Variants in IGF2R observed in about 807,000 individuals in gnomAD.
IGF2R encodes the protein insulin like growth factor 2 receptor.
A neutral mutation model predicts 270.6 loss-of-function variants in IGF2R; 91 were observed. The ratio of observed to expected loss-of-function variants is 0.34; its 90% CI spans 0.28 to 0.40. The LOEUF (loss-of-function observed/expected upper bound fraction) is 0.40, where lower values mean the gene tolerates loss of function less well. Ranked by LOEUF, IGF2R falls within the 10% of genes least tolerant of loss-of-function variation. The probability of loss-of-function intolerance (pLI) is 1.00; values close to 1 mark genes in which losing one functional copy is unlikely to be tolerated. For synonymous variants in IGF2R, 1,316 were observed against 1,258.9 expected, an observed-to-expected ratio of 1.05 and a Z score of -0.96; for missense variants, 2,805 against 3,188.3, an observed-to-expected ratio of 0.88 and a Z score of 2.90.
At chr6:160,054,704 G>T (rs1360525654) in intron 19 of IGF2R, among the ~76,000 whole-genome samples, 1 of 152,152 alleles carries the variant, frequency 6.6e-6, no homozygotes, top group Non-Finnish European at 1.5e-5. Flanking sequence ...TGTTCAGTCA[G>T]TTATGGGGCT....
intron 5 of IGF2R, 122 bp from the exon 6 acceptor site, chr6:160,027,063 A>G (rs1016459010): frequency 1.3e-5 from 14 of 1,100,730 alleles, no homozygotes; most frequent in Admixed American, 6.3e-5. Flanking sequence ...AGGTTTCAGA[A>G]TAGTTACTTA....
chr6:160,070,350 A>G (rs1488362550), intron 31 of IGF2R, among the ~76,000 whole-genome samples: 5 of 151,888 alleles, frequency 3.3e-5, no homozygotes, highest in Non-Finnish European at 7.4e-5. Flanking sequence ...GTTTGACTAC[A>G]TGCCCTTTTG....
intron 1 of IGF2R, among the ~76,000 whole-genome samples, chr6:159,979,876 G>A (rs1783752424): frequency 6.6e-6 from 1 of 152,196 alleles, no homozygotes; most frequent in African/African-American, 2.4e-5. Flanking sequence ...GAGCCCTTGA[G>A]GACTTCAGTA....
At chr6:160,094,261 C>T (rs1779297089) in intron 44 of IGF2R, 1 of 309,690 alleles carries the variant, frequency 3.2e-6, no homozygotes, top group Non-Finnish European at 6.3e-6. Flanking sequence ...TTCCTCTGTT[C>T]TGCTGCTGAA....
At position 160,090,292 on chromosome 6, in the gene IGF2R, A is replaced by G; in HGVS notation, c.6655+189A>G. 7.4e-6 allele frequency: 3 copies of G among 407,696 alleles called. No homozygotes were observed. In the South Asian group the frequency reaches 2.0e-4, roughly 28 times the overall value. The allele number at this position is 407,696 out of a possible 1,614,324, so 25.3% of individuals were successfully genotyped here. A position where few individuals can be genotyped will look rare whatever the true frequency, so the allele number is the denominator to read the frequency against. ...GATACGTGTCAGAACTAAGCATTTC[A>G]CTGTAGGCAAATTGTGTCTTAGTTA... On this transcript the variant is annotated intron_variant, in intron 44 of 47. Coordinates refer to ENST00000356956, the MANE Select transcript of IGF2R (RefSeq NM_000876.4).
intron 47 of IGF2R, 45 bp from the exon 48 acceptor site, chr6:160,104,629 G>A: frequency 6.4e-7 from 1 of 1,569,686 alleles, no homozygotes; most frequent in Non-Finnish European, 8.6e-7. Flanking sequence ...GCAGAATGGG[G>A]TCTCTTAGGG....
intron 4 of IGF2R, among the ~76,000 whole-genome samples, chr6:160,021,131 G>A (rs574073587): frequency 6.6e-6 from 1 of 152,206 alleles, no homozygotes; most frequent in South Asian, 2.1e-4. Flanking sequence ...TAAGAAGTGA[G>A]CAAAGGACGT....
At position 160,056,875 on chromosome 6, in the gene IGF2R, C is replaced by T. The variant is rs138882202; in HGVS notation, c.2796+350C>T. Reference sequence around the variant, plus strand: ...GTCGATACGTCACTCCACACCTAAACCATCTCAGTGCCTGTCCCCTAGAGG... The same window carrying T: ...GTCGATACGTCACTCCACACCTAAATCATCTCAGTGCCTGTCCCCTAGAGG... On this transcript the variant is annotated intron_variant, in intron 20 of 47. Coordinates refer to ENST00000356956, the MANE Select transcript of IGF2R (RefSeq NM_000876.4). Among the ~76,000 whole-genome samples, 526 of 152,332 alleles carry T rather than the reference C, an allele frequency of 3.5e-3. 3 individuals carry two copies. The highest frequency in any genetic ancestry group is 0.012 in the African/African-American group (516 of 41,580).
intron 2 of IGF2R, among the ~76,000 whole-genome samples, chr6:160,003,082 C>T (rs3798193): frequency 0.19 from 29,211 of 152,016 alleles, 3,458 homozygotes; most frequent in East Asian, 0.57. Flanking sequence ...ACAGTGAGTC[C>T]GACTGTAGTT....
At chr6:159,975,623 G>A (rs1367978084) in intron 1 of IGF2R, among the ~76,000 whole-genome samples, 3 of 150,346 alleles carry the variant, frequency 2.0e-5, no homozygotes, top group African/African-American at 7.3e-5. Context: ...TACTAGGACT[G>A]TGGAAGTTGG....
chr6:159,976,338 G>A (rs1783693996), intron 1 of IGF2R, among the ~76,000 whole-genome samples: 1 of 151,932 alleles, frequency 6.6e-6, no homozygotes, highest in Non-Finnish European at 1.5e-5. Context: ...ATACTCTATA[G>A]CTCTAGGTAA....
intron 47 of IGF2R, among the ~76,000 whole-genome samples, chr6:160,104,451 C>G (rs947700030): frequency 6.6e-6 from 1 of 151,974 alleles, no homozygotes; most frequent in Non-Finnish European, 1.5e-5. Flanking sequence ...CACTGCCACC[C>G]TCCCAAACCC....
chr6:160,084,221 C>G lies in IGF2R; in HGVS notation c.6068+37C>G, dbSNP rs1330927535. On this transcript the variant is annotated intron_variant, in intron 40 of 47. Transcript: ENST00000356956. This position sits in a 1 kb window ranked among gnomAD's most constrained non-coding sequence, Gnocchi z 4.6. ...CCCAGTCCACCCGCGGCGCCACACC[C>G]TCAGCATGTGAACTTCAGACTGCTT... 3.1e-6 allele frequency: 4 copies of G among 1,275,408 alleles called. No individual in the cohort carries two copies. The highest frequency in any genetic ancestry group is 4.6e-6 in the Non-Finnish European group (4 of 874,366). The allele number at this position is 1,275,408 out of a possible 1,614,324, so 79.0% of individuals were successfully genotyped here.
At chr6:160,041,124 C>T (rs956197982) in intron 11 of IGF2R, among the ~76,000 whole-genome samples, 1 of 152,138 alleles carries the variant, frequency 6.6e-6, no homozygotes, top group Non-Finnish European at 1.5e-5. Context: ...CGGCAGGCAC[C>T]GGATGAGGTG....
chr6:160,021,969 A>G (rs1777447087), intron 4 of IGF2R, among the ~76,000 whole-genome samples: 1 of 151,762 alleles, frequency 6.6e-6, no homozygotes, highest in South Asian at 2.1e-4. Context: ...TAGCAAAGAT[A>G]CGGAATAAAC....
At chr6:160,063,039 G>GTTTTT (rs35789923) in intron 26 of IGF2R, among the ~76,000 whole-genome samples, 1 of 131,280 alleles carries the variant, frequency 7.6e-6, no homozygotes. Flanking sequence ...AATTGTAAAA[G>GTTTTT]TTTTTTTTTT....
In IGF2R at chr6:160,100,526, A is replaced by C. The variant is rs1422950878; in HGVS notation, c.6843-1993A>C. ...AAAACCACACACAAGAAACAAGCCTAGTGATTGCTGGGTTGAGTAGACAAA... is the reference window on the plus strand; with the variant it reads ...AAAACCACACACAAGAAACAAGCCTCGTGATTGCTGGGTTGAGTAGACAAA... On this transcript the variant is annotated intron_variant, in intron 45 of 47. Coordinates refer to ENST00000356956, the MANE Select transcript of IGF2R (RefSeq NM_000876.4). Among the ~76,000 whole-genome samples, 3 of 152,230 alleles carry C rather than the reference A, an allele frequency of 2.0e-5. No individual in the cohort carries two copies. The East Asian group carries it at 5.8e-4, about 29-fold the overall frequency.
intron 1 of IGF2R, among the ~76,000 whole-genome samples, chr6:159,980,184 AAAGAAAGAAAG>A (rs1486083476): frequency 8.1e-5 from 1 of 12,350 alleles, no homozygotes; most frequent in Non-Finnish European, 1.4e-4. Context: ...CCGTCTCAAA[AAAGAAAGAAAG>A]AAAGAAAGAA....
chr6:160,023,194 C>T (rs978495068), intron 4 of IGF2R, among the ~76,000 whole-genome samples: 4 of 151,724 alleles, frequency 2.6e-5, no homozygotes, highest in Admixed American at 6.6e-5. Flanking sequence ...GACAGGGTGG[C>T]GATGGTGGAG....
Sources: allele counts gnomAD v4.1 joint callset (sites outside exome capture counted in the v4.1 genomes callset), GRCh38; gene constraint gnomAD v4.1.1; non-coding constraint Gnocchi (gnomAD v3.1); transcripts MANE v1.5; gene names NCBI Gene and HGNC (gene_info 2026-07-23, HGNC 2026-07-21).